Variants in SLC39A14 observed in about 807,000 individuals in gnomAD.
SLC39A14 encodes the protein metal cation symporter ZIP14.
SLC39A14 carries 19 observed loss-of-function variants against 45.5 expected under a neutral mutation model. The observed-to-expected ratio is 0.42, with a 90% CI of 0.29 to 0.61. SLC39A14 has a LOEUF of 0.61. Among genes scored for constraint, SLC39A14 ranks in the 20% least tolerant of loss-of-function variants. The pLI is 0.22. For synonymous variants in SLC39A14, 264 were observed against 251.3 expected (o/e 1.05, Z -0.48); for missense variants, 447 against 616.5 (o/e 0.73, Z 2.91).
At chr8:22,430,970 G>A (rs1419094304) in intron 8 of SLC39A14, among the ~76,000 whole-genome samples, 2 of 147,732 alleles carry the variant, frequency 1.4e-5, no homozygotes, top group Admixed American at 6.8e-5. Context: ...GCCGCAGCCG[G>A]TCTGGGACTC....
chr8:22,417,933 C>T (rs775240916), intron 8 of SLC39A14, 98 bp downstream of exon 8: 136 of 1,005,300 alleles, frequency 1.4e-4, no homozygotes, highest in Non-Finnish European at 1.8e-4. Flanking sequence ...GATGGAGTCT[C>T]ACTCTGTCTC....
chr8:22,380,745 T>A (rs1833460404), intron 1 of SLC39A14, among the ~76,000 whole-genome samples: 1 of 151,712 alleles, frequency 6.6e-6, no homozygotes, highest in African/African-American at 2.4e-5. Flanking sequence ...GGCTCCATAA[T>A]GGCCCACTAC....
At chr8:22,394,327 C>CTTTTT (rs139730659) in intron 1 of SLC39A14, among the ~76,000 whole-genome samples, 1 of 132,076 alleles carries the variant, frequency 7.6e-6, no homozygotes, top group Non-Finnish European at 1.6e-5. Flanking sequence ...TTTATTATGT[C>CTTTTT]TTTTTTTTTT....
rs116663625 is a variant in SLC39A14, at chr8:22,430,968, C to T, written c.1333-2923C>T. 1.7e-3 allele frequency among the ~76,000 whole-genome samples: 243 copies of T among 146,180 alleles called. 1 individual carries two copies. The highest frequency in any genetic ancestry group is 6.0e-3 in the African/African-American group (237 of 39,602). ...GATTATAGGGGCGAGCTGCCGCAGC[C>T]GGTCTGGGACTCCCAATTCCCTCTT... On this transcript the variant is annotated intron_variant, in intron 8 of 8. Transcript: ENST00000240095.
At position 22,415,446 on chromosome 8, in the gene SLC39A14, C is replaced by T. The variant is rs897665511; in HGVS notation, c.751-323C>T. 1.1e-4 allele frequency: 27 copies of T among 250,918 alleles called. 2 individuals carry two copies. Among genetic ancestry groups the T allele is most frequent in the South Asian group, 1.0e-3 (16 of 15,488 alleles). The allele number at this position is 250,918 out of a possible 1,614,324, so 15.5% of individuals were successfully genotyped here. A position where few individuals can be genotyped will look rare whatever the true frequency, so the allele number is the denominator to read the frequency against. The stretch of plus-strand genomic sequence containing the variant: ...GATATCTGTCTGACACCAGGTCCTT[C>T]GCACTTGGTGCAGATTTATATATAT... On this transcript the variant is annotated intron_variant, in intron 5 of 8. Coordinates refer to ENST00000381237, the MANE Select transcript of SLC39A14 (RefSeq NM_001128431.4).
At position 22,422,202 on chromosome 8, in the gene SLC39A14, C is replaced by G. The variant is rs1428383009; in HGVS notation, c.*2504C>G. On this transcript the variant is annotated 3_prime_UTR_variant, in exon 9 of 9. Coordinates refer to ENST00000381237, the MANE Select transcript of SLC39A14 (RefSeq NM_001128431.4). The stretch of plus-strand genomic sequence containing the variant: ...CTTCGACCTCATTTTCCAGATGCAC[C>G]AGCTCCTATTAATAAGTTAGCAAGG... 1.0e-6 allele frequency: 1 copy of G among 985,264 alleles called. No individual in the cohort carries two copies. Among genetic ancestry groups the G allele is most frequent in the African/African-American group, 1.7e-5 (1 of 57,224 alleles). The allele number at this position is 985,264 out of a possible 1,614,324, so 61.0% of individuals were successfully genotyped here.
At chr8:22,374,220 G>T (rs1408088108) in intron 1 of SLC39A14, among the ~76,000 whole-genome samples, 2 of 152,236 alleles carry the variant, frequency 1.3e-5, no homozygotes, top group African/African-American at 4.8e-5. Context: ...CTGGCGAGGG[G>T]CCTGTTGGCT....
chr8:22,420,629 A>AG lies in SLC39A14; in HGVS notation c.*933dup. 1.0e-6 allele frequency: 1 copy of AG among 985,418 alleles called. No homozygotes were observed. The highest frequency in any genetic ancestry group is 1.2e-6 in the Non-Finnish European group (1 of 829,948). The allele number at this position is 985,418 out of a possible 1,614,324, so 61.0% of individuals were successfully genotyped here. On this transcript the variant is annotated 3_prime_UTR_variant, in exon 9 of 9. Coordinates refer to ENST00000381237, the MANE Select transcript of SLC39A14 (RefSeq NM_001128431.4). ...GAGACTGCACAAACTATCCTCCCCC[A>AG]GGTTGAGACGTCTGCAGAGTGGCAA...
chr8:22,368,836 T>C (rs1006654685), intron 1 of SLC39A14, among the ~76,000 whole-genome samples: 33 of 152,140 alleles, frequency 2.2e-4, no homozygotes, highest in Admixed American at 1.8e-3. Flanking sequence ...CTGCCCGGCC[T>C]ATCCTTACCT....
downstream of SLC39A14, among the ~76,000 whole-genome samples, chr8:22,424,213 C>T (rs1045793568): frequency 1.3e-5 from 2 of 152,150 alleles, no homozygotes; most frequent in African/African-American, 4.8e-5. Context: ...AAACTTGTAA[C>T]GTTTGCTTAG....
intron 4 of SLC39A14, among the ~76,000 whole-genome samples, chr8:22,413,668 C>T (rs1425928821): frequency 2.0e-5 from 3 of 152,178 alleles, no homozygotes; most frequent in Non-Finnish European, 2.9e-5. Context: ...GAAGTTTATT[C>T]AAGGCCCGTT....
rs1835462244 is a variant in SLC39A14, at chr8:22,409,841, C to T, written c.457+1345C>T. On this transcript the variant is annotated intron_variant, in intron 3 of 8. Coordinates refer to ENST00000381237, the MANE Select transcript of SLC39A14 (RefSeq NM_001128431.4). ...TGTTTACTGATGGGTTGGTGGATCT[C>T]AGTCTGCCCCATCACACCTGAATTC... 2.6e-6 allele frequency: 3 copies of T among 1,147,100 alleles called. 1 individual carries two copies. In the South Asian group the frequency reaches 4.1e-5, roughly 16 times the overall value. 71.1% of individuals were successfully genotyped at this position (1,147,100 alleles called of 1,614,324 possible). A position where few individuals can be genotyped will look rare whatever the true frequency, so the allele number is the denominator to read the frequency against.
chr8:22,400,339 A>T (rs1347207403), intron 1 of SLC39A14, among the ~76,000 whole-genome samples: 1 of 152,176 alleles, frequency 6.6e-6, no homozygotes, highest in African/African-American at 2.4e-5. Flanking sequence ...GGAACTGGGG[A>T]ATGCCAAGTG....
At chr8:22,427,738 C>T (rs1223032858) in intron 8 of SLC39A14, among the ~76,000 whole-genome samples, 1 of 152,230 alleles carries the variant, frequency 6.6e-6, no homozygotes, top group African/African-American at 2.4e-5. Flanking sequence ...TTCTTTCCCC[C>T]TCTTGAAAAT....
At chr8:22,408,049 C>G (rs1450307742) in intron 2 of SLC39A14, among the ~76,000 whole-genome samples, 2 of 152,204 alleles carry the variant, frequency 1.3e-5, no homozygotes, top group Non-Finnish European at 2.9e-5. Context: ...CCCAAAGTTT[C>G]TCAGGCACTC....
intron 1 of SLC39A14, chr8:22,404,458 G>GTTTTTTT (rs375772752): frequency 2.1e-5 from 6 of 280,624 alleles, no homozygotes; most frequent in African/African-American, 1.6e-4. Context: ...CCGCATTGCT[G>GTTTTTTT]TTTGTTTTTT....
At chr8:22,394,256 C>T (rs1180512968) in intron 1 of SLC39A14, among the ~76,000 whole-genome samples, 1 of 151,434 alleles carries the variant, frequency 6.6e-6, no homozygotes, top group Non-Finnish European at 1.5e-5. Context: ...CCACCTGCCT[C>T]AGCCTCCCAA....
chr8:22,410,183 C>T (rs1586731091), intron 3 of SLC39A14: 1 of 1,549,354 alleles, frequency 6.5e-7, no homozygotes. Context: ...ATCCCCTCCT[C>T]CCCTACCCTG....
At position 22,415,955 on chromosome 8, in the gene SLC39A14, C is replaced by A; in HGVS notation, c.937C>A (p.Gln313Lys). The A allele has an allele frequency of 6.2e-7, 1 of 1,602,814 alleles. No homozygotes were observed. Among genetic ancestry groups the A allele is most frequent in the Non-Finnish European group, 8.5e-7 (1 of 1,172,692 alleles). Residue 313 changes from glutamine (Q) to lysine (K), a missense_variant and splice_region_variant, in exon 6 of 9, where the codon CAG becomes AAG. Gln to Lys is a moderately conservative substitution (Grantham distance 53). Transcript: ENST00000381237. ...EKVIVGSLSV[Q>K]DLQASQSACY... ...GGTCATTGTGGGCTCGCTCTCTGTG[C>A]AGGTCAGTGGGCCACCAGCTGCTTG...
Sources: gnomAD v4.1 joint callset for allele counts (sites outside exome capture counted in the v4.1 genomes callset) on GRCh38, gnomAD v4.1.1 for gene constraint, MANE v1.5 for transcripts, NCBI Gene and HGNC (gene_info 2026-07-23, HGNC 2026-07-21) for gene names.